Variants in AUTS2 observed in about 807,000 individuals in gnomAD.
AUTS2 encodes the protein autism susceptibility gene 2 protein.
A neutral mutation model predicts 112.4 loss-of-function variants in AUTS2; 17 were observed. The observed-to-expected ratio is 0.15, with a 90% CI of 0.10 to 0.23. The LOEUF (loss-of-function observed/expected upper bound fraction) is 0.23, where lower values mean the gene tolerates loss of function less well. Ranked by LOEUF, AUTS2 falls within the 10% of genes least tolerant of loss-of-function variation. The probability of loss-of-function intolerance (pLI) is 1.00; values close to 1 mark genes in which losing one functional copy is unlikely to be tolerated. For synonymous variants in AUTS2, 751 were observed against 702.7 expected (o/e 1.07, Z -1.09); for missense variants, 1,510 against 1,701.6 (o/e 0.89, Z 1.98).
intron 1 of AUTS2, among the ~76,000 whole-genome samples, chr7:69,645,426 C>T (rs891147488): frequency 5.3e-5 from 8 of 152,094 alleles, no homozygotes; most frequent in Non-Finnish European, 1.0e-4. Flanking sequence ...CCATCCCTTT[C>T]ATTTTACAGG....
chr7:69,667,091 A>G (rs1303651821), intron 1 of AUTS2, among the ~76,000 whole-genome samples: 2 of 152,134 alleles, frequency 1.3e-5, no homozygotes, highest in African/African-American at 4.8e-5. Context: ...TGGGGACTCT[A>G]CAAAGTCCTG....
At chr7:70,354,021 A>G (rs1399783597) in intron 4 of AUTS2, among the ~76,000 whole-genome samples, 4 of 152,240 alleles carry the variant, frequency 2.6e-5, no homozygotes, top group Non-Finnish European at 5.9e-5. Flanking sequence ...GATCTGTGCA[A>G]TTATCAGCTC....
At chr7:70,692,806 A>G (rs1464650424) in intron 5 of AUTS2, among the ~76,000 whole-genome samples, 4 of 150,400 alleles carry the variant, frequency 2.7e-5, no homozygotes, top group Admixed American at 1.3e-4. Context: ...CAAGAGTGCC[A>G]TGAAATCAAA....
At chr7:70,267,336 A>T (rs1386097047) in intron 4 of AUTS2, among the ~76,000 whole-genome samples, 1 of 149,802 alleles carries the variant, frequency 6.7e-6, no homozygotes, top group African/African-American at 2.5e-5. Context: ...TCTCTATAGC[A>T]TTATTTCTCT....
chr7:70,452,698 A>G (rs1394127706), intron 5 of AUTS2, among the ~76,000 whole-genome samples: 1 of 152,114 alleles, frequency 6.6e-6, no homozygotes, highest in Non-Finnish European at 1.5e-5. Flanking sequence ...GCTTTGAAAC[A>G]TGGCCATGTC....
chr7:70,512,857 G>C (rs1235296312), intron 5 of AUTS2, among the ~76,000 whole-genome samples: 3 of 151,162 alleles, frequency 2.0e-5, no homozygotes, highest in African/African-American at 7.3e-5. Flanking sequence ...AAACCATGCA[G>C]CTTTTGATAT....
intron 4 of AUTS2, among the ~76,000 whole-genome samples, chr7:70,230,684 G>T (rs1044534314): frequency 1.3e-5 from 2 of 152,188 alleles, no homozygotes; most frequent in South Asian, 2.1e-4. Context: ...CAGCTTTCCA[G>T]GCCATCAGAG....
At chr7:70,285,618 GCTT>G (rs1335338285) in intron 4 of AUTS2, among the ~76,000 whole-genome samples, 1 of 152,118 alleles carries the variant, frequency 6.6e-6, no homozygotes, top group Non-Finnish European at 1.5e-5. Flanking sequence ...TTCTTCAGCT[GCTT>G]CCATGTACTG....
chr7:69,977,773 G>T (rs984657177), intron 2 of AUTS2, among the ~76,000 whole-genome samples: 5 of 152,028 alleles, frequency 3.3e-5, no homozygotes, highest in African/African-American at 4.8e-5. Flanking sequence ...CTGGGTTTCT[G>T]TTTTTTCAAC....
intron 2 of AUTS2, among the ~76,000 whole-genome samples, chr7:69,946,594 ACACACACACACACG>A (rs956857122): frequency 2.9e-5 from 4 of 138,610 alleles, no homozygotes; most frequent in South Asian, 2.2e-4. Flanking sequence ...ACACACACAC[ACACACACACACACG>A]CACGCACACA....
chr7:70,387,111 C>A (rs1194279338), intron 4 of AUTS2, among the ~76,000 whole-genome samples: 2 of 152,178 alleles, frequency 1.3e-5, no homozygotes, highest in Non-Finnish European at 2.9e-5. Context: ...TATCCTGCTG[C>A]CTCCTCAAGC....
At chr7:70,193,918 AATAATGAATTTAGC>A (rs1810035878) in intron 4 of AUTS2, among the ~76,000 whole-genome samples, 1 of 152,220 alleles carries the variant, frequency 6.6e-6, no homozygotes, top group Non-Finnish European at 1.5e-5. Context: ...CTTCTCAATG[AATAATGAATTTAGC>A]ATAATGAATT....
chr7:69,705,845 AC>A (rs1416698496), intron 1 of AUTS2, among the ~76,000 whole-genome samples: 4 of 152,054 alleles, frequency 2.6e-5, no homozygotes, highest in African/African-American at 9.7e-5. Context: ...GCAGATGGCT[AC>A]CTTGCTGTGT....
chr7:70,383,304 A>G lies in AUTS2; in HGVS notation c.661-52448A>G, dbSNP rs565649288. Among the ~76,000 whole-genome samples, 113 of 152,084 alleles carry G rather than the reference A, an allele frequency of 7.4e-4. 4 individuals carry two copies. The South Asian group carries it at 0.016, about 22-fold the overall frequency. ...TGACAGGGACTGTTTGTGACTTATC[A>G]CTCCATGCGGTTTGGGACCTGGGAA... On this transcript the variant is annotated intron_variant, in intron 4 of 18. Coordinates refer to ENST00000342771, the MANE Select transcript of AUTS2 (RefSeq NM_015570.4).
chr7:70,321,634 G>A (rs1048932969), intron 4 of AUTS2, among the ~76,000 whole-genome samples: 5 of 152,130 alleles, frequency 3.3e-5, no homozygotes, highest in East Asian at 1.9e-4. Context: ...TCTAACCACA[G>A]TGACTAAGTC....
intron 1 of AUTS2, among the ~76,000 whole-genome samples, chr7:69,731,660 C>T (rs1475583538): frequency 6.6e-6 from 1 of 152,132 alleles, no homozygotes; most frequent in East Asian, 1.9e-4. Context: ...GCTTTTTATT[C>T]ATGGCTTCAA....
chr7:70,518,806 C>T (rs537320551), intron 5 of AUTS2, among the ~76,000 whole-genome samples: 7 of 152,104 alleles, frequency 4.6e-5, no homozygotes, highest in Admixed American at 1.3e-4. Flanking sequence ...CGGATTCAAG[C>T]GATTCTTGTG....
At chr7:70,245,169 T>TATATATATATATATATATATATAA (rs1317610996) in intron 4 of AUTS2, among the ~76,000 whole-genome samples, 1 of 118,600 alleles carries the variant, frequency 8.4e-6, no homozygotes, top group African/African-American at 3.3e-5. Context: ...TATATATATA[T>TATATATATATATATATATATATAA]AAAAAATAAA....
intron 12 of AUTS2, chr7:70,774,314 A>G: frequency 3.7e-6 from 2 of 545,168 alleles, no homozygotes; most frequent in South Asian, 5.3e-5. Context: ...CGACTTGCCG[A>G]TGGGAGAAAA....
Sources: allele counts gnomAD v4.1 joint callset (sites outside exome capture counted in the v4.1 genomes callset), GRCh38; gene constraint gnomAD v4.1.1; transcripts MANE v1.5; gene names NCBI Gene and HGNC (gene_info 2026-07-23, HGNC 2026-07-21).